CFAP61: variants seen among roughly 807,000 people sequenced by gnomAD.
The protein encoded by CFAP61 is cilia and flagella associated protein 61, also known as cilia- and flagella-associated protein 61.
Under a neutral mutation model 135.6 loss-of-function variants are expected in CFAP61, and 107 were observed. The ratio of observed to expected loss-of-function variants is 0.79; its 90% CI spans 0.67 to 0.93. CFAP61 has a LOEUF of 0.93. Among genes scored for constraint, CFAP61 ranks in the 40% least tolerant of loss-of-function variants. CFAP61 has a pLI of 0.00. For missense variants in CFAP61, 1,507 were observed against 1,556.2 expected (o/e 0.97, Z 0.53); for synonymous variants, 575 against 578.5 (o/e 0.99, Z 0.09).
At chr20:20,190,014 G>A (rs1469287798) in intron 14 of CFAP61, among the ~76,000 whole-genome samples, 5 of 152,126 alleles carry the variant, frequency 3.3e-5, no homozygotes, top group Non-Finnish European at 5.9e-5. Flanking sequence ...CGAACTCCTG[G>A]CCTCAGGTGA....
intron 13 of CFAP61, among the ~76,000 whole-genome samples, chr20:20,187,253 C>T (rs1292343627): frequency 1.3e-5 from 2 of 152,142 alleles, no homozygotes; most frequent in South Asian, 2.1e-4. Context: ...ACCAAAGCAA[C>T]CAATGTCGCT....
At position 20,331,762 on chromosome 20, in the gene CFAP61, T is replaced by C. The variant is rs939365833; in HGVS notation, c.3423-10069T>C. ...ATATGTGCACATATACACTTTTTTT[T>C]TTCTTTTCCTACAGAAAATAGATAG... On this transcript the variant is annotated intron_variant, in intron 25 of 26. Transcript: ENST00000245957. Among the ~76,000 whole-genome samples the C allele has an allele frequency of 3.3e-5, 5 of 152,318 alleles. No homozygotes were observed. In the East Asian group the frequency reaches 9.6e-4, roughly 29 times the overall value.
chr20:20,228,830 G>T (rs1390207788), intron 18 of CFAP61, among the ~76,000 whole-genome samples: 6 of 152,160 alleles, frequency 3.9e-5, no homozygotes, highest in Non-Finnish European at 8.8e-5. Flanking sequence ...TGCAGCATTT[G>T]TTAAAGATGT....
At chr20:20,174,517 A>G (rs1246601628) in intron 13 of CFAP61, among the ~76,000 whole-genome samples, 4 of 152,246 alleles carry the variant, frequency 2.6e-5, no homozygotes, top group Non-Finnish European at 5.9e-5. Context: ...AAAGCTTTTT[A>G]GTGAAACCAC....
intron 6 of CFAP61, chr20:20,085,419 T>C (rs1446176154): frequency 7.3e-7 from 1 of 1,362,642 alleles, no homozygotes; most frequent in Non-Finnish European, 9.8e-7. Flanking sequence ...CCCCAAGGAA[T>C]GCATTTAGCA....
At chr20:20,208,110 G>A (rs1413599881) in intron 17 of CFAP61, among the ~76,000 whole-genome samples, 1 of 152,140 alleles carries the variant, frequency 6.6e-6, no homozygotes, top group South Asian at 2.1e-4. Flanking sequence ...CAGAGTCATC[G>A]TCTCCATTTT....
chr20:20,238,354 G>T (rs868210454), intron 18 of CFAP61, among the ~76,000 whole-genome samples: 1 of 152,108 alleles, frequency 6.6e-6, no homozygotes, highest in Non-Finnish European at 1.5e-5. Flanking sequence ...TATCTATCAC[G>T]AGCTAGGATT....
chr20:20,095,907 G>A (rs1194252478), intron 7 of CFAP61, among the ~76,000 whole-genome samples: 4 of 152,172 alleles, frequency 2.6e-5, no homozygotes, highest in African/African-American at 7.2e-5. Context: ...AAATACACAC[G>A]TTTCTGTAAA....
rs567974107 is a variant in CFAP61, at chr20:20,281,162, T to A, written c.2796+3704T>A. Among the ~76,000 whole-genome samples the A allele has an allele frequency of 2.2e-4, 34 of 152,322 alleles. No homozygotes were observed. In the South Asian group the frequency reaches 6.4e-3, roughly 29 times the overall value. On this transcript the variant is annotated intron_variant, in intron 22 of 26. Transcript: ENST00000245957. ...TTCTCTTATTAGCTTTTGTAGTTGT[T>A]TTTTAGGTCCATAAACATGTCATGC...
intron 25 of CFAP61, among the ~76,000 whole-genome samples, chr20:20,321,807 TC>T (rs2057532273): frequency 6.6e-6 from 1 of 152,134 alleles, no homozygotes; most frequent in African/African-American, 2.4e-5. Flanking sequence ...TTGGCCCTCC[TC>T]CCAGAAAGAG....
At chr20:20,155,628 C>G (rs1353773788) in intron 9 of CFAP61, among the ~76,000 whole-genome samples, 1 of 152,026 alleles carries the variant, frequency 6.6e-6, no homozygotes, top group Non-Finnish European at 1.5e-5. Flanking sequence ...AGAGAATCCT[C>G]AAAAGAAGAT....
chr20:20,054,793 T>A (rs1231385977), intron 1 of CFAP61, among the ~76,000 whole-genome samples: 1 of 152,376 alleles, frequency 6.6e-6, no homozygotes, highest in African/African-American at 2.4e-5. Context: ...TTTGTCAGGT[T>A]CCTTTAAAGT....
intron 8 of CFAP61, among the ~76,000 whole-genome samples, chr20:20,107,394 G>A (rs1193050130): frequency 5.3e-5 from 8 of 152,088 alleles, no homozygotes; most frequent in Admixed American, 3.9e-4. Context: ...ACCTGGTAGA[G>A]GCATCTTGGA....
chr20:20,306,283 A>G (rs1194256265), intron 25 of CFAP61, among the ~76,000 whole-genome samples: 1 of 152,216 alleles, frequency 6.6e-6, no homozygotes, highest in Admixed American at 6.5e-5. Context: ...AGAGAAATGA[A>G]CACATGGAGT....
chr20:20,110,125 C>T (rs1172138712), intron 8 of CFAP61, among the ~76,000 whole-genome samples: 1 of 151,982 alleles, frequency 6.6e-6, no homozygotes, highest in East Asian at 1.9e-4. Flanking sequence ...CCAGGCTGGT[C>T]TCGAACTCCT....
At chr20:20,323,413 C>T (rs2057614886) in intron 25 of CFAP61, 3 of 534,518 alleles carry the variant, frequency 5.6e-6, no homozygotes, top group Non-Finnish European at 7.2e-6. Flanking sequence ...ATAGACCCAT[C>T]TCTTAAAAAA....
chr20:20,299,967 T>TGGTCACG (rs1266725878), intron 25 of CFAP61, among the ~76,000 whole-genome samples: 1 of 152,224 alleles, frequency 6.6e-6, no homozygotes, highest in East Asian at 1.9e-4. Context: ...TTCCCAAGTA[T>TGGTCACG]GGTCACGTGC....
At position 20,070,861 on chromosome 20, in the gene CFAP61, G is replaced by T. The variant is rs145567908; in HGVS notation, c.151G>T (p.Ala51Ser). 3 of 1,611,762 alleles carry T rather than the reference G, an allele frequency of 1.9e-6. No individual in the cohort carries two copies. The East Asian group carries it at 6.7e-5, about 36-fold the overall frequency. Residue 51 changes from alanine (A) to serine (S), a missense_variant, in exon 3 of 27, where the codon GCC becomes TCC. Physicochemically the swap from Ala to Ser is moderately conservative, Grantham distance 99. Coordinates refer to ENST00000245957, the MANE Select transcript of CFAP61 (RefSeq NM_015585.4). ...KLNIIYLLEKANLAVTLCNDK... is the reference protein window; with the variant it reads ...KLNIIYLLEKSNLAVTLCNDK... ...TTGTAATCATTTCTGCAGAGAAAAGGCCAACCTTGCTGTTACCCTCTGCAA... is the reference window on the plus strand; with the variant it reads ...TTGTAATCATTTCTGCAGAGAAAAGTCCAACCTTGCTGTTACCCTCTGCAA...
chr20:20,074,178 A>C, intron 3 of CFAP61, 124 bp from the exon 4 acceptor site: 1 of 769,498 alleles, frequency 1.3e-6, no homozygotes, highest in Non-Finnish European at 2.3e-6. Flanking sequence ...TAGACATAAA[A>C]TATCAACCCT....
Sources: gnomAD v4.1 joint callset for allele counts (sites outside exome capture counted in the v4.1 genomes callset) on GRCh38, gnomAD v4.1.1 for gene constraint, MANE v1.5 for transcripts, NCBI Gene and HGNC (gene_info 2026-07-23, HGNC 2026-07-21) for gene names.